Variants in THRAP3 observed in about 807,000 individuals in gnomAD.
THRAP3 encodes the protein thyroid hormone receptor associated protein 3, also known as thyroid hormone receptor-associated protein 3.
In THRAP3, 16 loss-of-function variants were observed where a neutral mutation model predicts 101.0. The observed-to-expected ratio is 0.16, with a 90% CI of 0.11 to 0.24. The LOEUF (loss-of-function observed/expected upper bound fraction) is 0.24, where lower values mean the gene tolerates loss of function less well. THRAP3 is among the 10% of genes least tolerant of loss of function. THRAP3 has a pLI of 1.00. For synonymous variants in THRAP3, 407 were observed against 422.6 expected, an observed-to-expected ratio of 0.96 and a Z score of 0.45; for missense variants, 989 against 1,202.7, an observed-to-expected ratio of 0.82 and a Z score of 2.63.
intron 2 of THRAP3, among the ~76,000 whole-genome samples, chr1:36,263,928 A>G (rs1172086401): frequency 2.0e-5 from 3 of 152,238 alleles, no homozygotes; most frequent in Non-Finnish European, 2.9e-5. Flanking sequence ...GTCTTTCTTG[A>G]TAATACGACC....
upstream of THRAP3, among the ~76,000 whole-genome samples, chr1:36,220,970 AAAATAT>A (rs1352813000): frequency 2.1e-4 from 27 of 128,426 alleles, no homozygotes; most frequent in African/African-American, 8.9e-4. Flanking sequence ...AAAAAAAAAA[AAAATAT>A]ATATATATAT....
chr1:36,285,460 TAC>T lies in THRAP3; in HGVS notation c.138-906_138-905del, dbSNP rs201852187. Reference sequence around the variant, plus strand: ...TTGACAAGCCTGACACTCAGGAATGTACAGTTAGGTTACTATCAAGTCTCTGT... The same window carrying T: ...TTGACAAGCCTGACACTCAGGAATGTAGTTAGGTTACTATCAAGTCTCTGT... On this transcript the variant is annotated intron_variant, in intron 3 of 11. Coordinates refer to ENST00000354618, the MANE Select transcript of THRAP3 (RefSeq NM_005119.4). Among the ~76,000 whole-genome samples, 1,183 of 152,306 alleles carry T rather than the reference TAC, an allele frequency of 7.8e-3. 10 individuals are homozygous for T. The highest frequency in any genetic ancestry group is 0.027 in the African/African-American group (1,129 of 41,554).
At chr1:36,253,987 A>G (rs1446320991) in intron 1 of THRAP3, among the ~76,000 whole-genome samples, 1 of 152,088 alleles carries the variant, frequency 6.6e-6, no homozygotes, top group East Asian at 1.9e-4. Flanking sequence ...GGTATCCGCA[A>G]CAGTAATAGT....
In THRAP3 at chr1:36,296,585, T is replaced by C; in HGVS notation, c.2118T>C (p.Ala706=). The change falls in exon 9 of 12, where the codon GCT becomes GCC. Residue 706 remains alanine, a splice_region_variant and synonymous_variant. Transcript: ENST00000354618. ...MKSPREPGYK[A]EGKYKDDPVD... ...AATTTTGGCTTATCTTTTGATAGGC[T>C]GAGGGAAAATACAAAGATGATCCTG... 2 of 1,547,916 alleles carry C rather than the reference T, an allele frequency of 1.3e-6. No homozygotes were observed. The highest frequency in any genetic ancestry group is 8.7e-7 in the Non-Finnish European group (1 of 1,153,464).
chr1:36,240,809 T>C (rs1229897342), intron 1 of THRAP3, among the ~76,000 whole-genome samples: 1 of 152,244 alleles, frequency 6.6e-6, no homozygotes, highest in Non-Finnish European at 1.5e-5. Flanking sequence ...TAACATAATT[T>C]GTGATAATAT....
chr1:36,229,796 G>C lies in THRAP3; in HGVS notation c.-135+5291G>C, dbSNP rs552598258. Among the ~76,000 whole-genome samples the C allele has an allele frequency of 6.6e-5, 10 of 151,946 alleles. No homozygotes were observed. The East Asian group carries it at 7.8e-4, about 12-fold the overall frequency. On this transcript the variant is annotated intron_variant, in intron 1 of 11. Transcript: ENST00000354618. ...GCCTCCCGAGAAGCTGGGATTACAG[G>C]CATGTACCACCATGCCCAGCTAATT...
Position 36,286,073 on chromosome 1 carries a change from A to C in THRAP3, c.138-295A>C, listed in dbSNP as rs1385599074. On this transcript the variant is annotated intron_variant, in intron 3 of 11. Transcript: ENST00000354618. This position sits in a 1 kb window ranked among gnomAD's most constrained non-coding sequence, Gnocchi z 5.5. Reference sequence around the variant, plus strand: ...TAAAATGGTCTTTGTGTGGTTTACTACCTTAAGAAAATGTTGATAGTTTTT... The same window carrying C: ...TAAAATGGTCTTTGTGTGGTTTACTCCCTTAAGAAAATGTTGATAGTTTTT... Among the ~76,000 whole-genome samples, 1 of 152,202 alleles carries C rather than the reference A, an allele frequency of 6.6e-6. No homozygotes were observed. The highest frequency in any genetic ancestry group is 6.5e-5 in the Admixed American group (1 of 15,286).
upstream of THRAP3, among the ~76,000 whole-genome samples, chr1:36,222,563 C>T (rs74754798): frequency 1.3e-3 from 200 of 152,158 alleles, no homozygotes; most frequent in African/African-American, 2.9e-3. Context: ...CCCACCACCA[C>T]GCCCGGCTAA....
rs1645747887 is a variant in THRAP3, at chr1:36,282,650, G to A, written c.87G>A (p.Lys29=). 6.2e-7 allele frequency: 1 copy of A among 1,614,036 alleles called. No homozygotes were observed. Among genetic ancestry groups the A allele is most frequent in the Non-Finnish European group, 8.5e-7 (1 of 1,180,032 alleles). Residue 29 remains lysine, a synonymous_variant, in exon 3 of 12, where the codon AAG becomes AAA. Transcript: ENST00000354618. ...GATCTCGTTCTCGTTCATTTTCGAA[G>A]TCTCGGTCCCGAAGCCGATCTCTCT... ...ASRSRSRSFS[K]SRSRSRSLSR...
At chr1:36,240,072 CAG>C (rs967514089) in intron 1 of THRAP3, among the ~76,000 whole-genome samples, 10 of 152,208 alleles carry the variant, frequency 6.6e-5, no homozygotes, top group Admixed American at 5.9e-4. Flanking sequence ...CAGCTTGTAA[CAG>C]AAATTCATCA....
chr1:36,227,688 AC>A (rs1644977330), intron 1 of THRAP3, among the ~76,000 whole-genome samples: 1 of 152,126 alleles, frequency 6.6e-6, no homozygotes, highest in Non-Finnish European at 1.5e-5. Flanking sequence ...TAGTTAAGAG[AC>A]CGAAGATGGT....
intron 1 of THRAP3, among the ~76,000 whole-genome samples, chr1:36,254,789 A>G (rs1444589587): frequency 6.6e-6 from 1 of 152,094 alleles, no homozygotes; most frequent in East Asian, 1.9e-4. Context: ...TTTTTTGATA[A>G]AAAAAAATTT....
At chr1:36,240,478 G>C (rs536906718) in intron 1 of THRAP3, among the ~76,000 whole-genome samples, 14 of 152,334 alleles carry the variant, frequency 9.2e-5, no homozygotes, top group African/African-American at 2.6e-4. Flanking sequence ...GTTTAGCTGT[G>C]CTTAAAGCTG....
intron 2 of THRAP3, among the ~76,000 whole-genome samples, chr1:36,262,056 A>G (rs1417615969): frequency 6.6e-6 from 1 of 152,232 alleles, no homozygotes; most frequent in Non-Finnish European, 1.5e-5. Context: ...GCCACATGTC[A>G]TTTAATACAT....
chr1:36,266,747 T>C (rs1167605447), intron 2 of THRAP3, among the ~76,000 whole-genome samples: 1 of 152,192 alleles, frequency 6.6e-6, no homozygotes, highest in African/African-American at 2.4e-5. Flanking sequence ...AAGTGATAAG[T>C]TTAAGTACAG....
chr1:36,214,546 A>T, the THRAP3 span, among the ~76,000 whole-genome samples: 2 of 152,210 alleles, frequency 1.3e-5, no homozygotes, highest in East Asian at 3.9e-4. Flanking sequence ...CTCACACTGT[A>T]CCATAGTAAT....
intron 1 of THRAP3, among the ~76,000 whole-genome samples, chr1:36,241,229 T>TA: frequency 6.8e-6 from 1 of 147,784 alleles, no homozygotes; most frequent in African/African-American, 2.5e-5. Flanking sequence ...TTTTCAGAAA[T>TA]ACGTGCCGCT....
intron 2 of THRAP3, among the ~76,000 whole-genome samples, chr1:36,282,244 T>C (rs1645741976): frequency 6.6e-6 from 1 of 151,830 alleles, no homozygotes; most frequent in Non-Finnish European, 1.5e-5. Context: ...TCTTTTTTTT[T>C]TTTTTGGAGA....
chr1:36,304,021 C>A lies in THRAP3; in HGVS notation c.*4C>A, dbSNP rs1296707975. 16 of 1,518,984 alleles carry A rather than the reference C, an allele frequency of 1.1e-5. No homozygotes were observed. Among genetic ancestry groups the A allele is most frequent in the Non-Finnish European group, 1.4e-5 (16 of 1,132,630 alleles). 94.1% of individuals were successfully genotyped at this position (1,518,984 alleles called of 1,614,324 possible). ...TATACAGCCCACAACCGAGTAGGGGCCACCCTTGACGGGATTCCTGCCCAG... is the reference window on the plus strand; with the variant it reads ...TATACAGCCCACAACCGAGTAGGGGACACCCTTGACGGGATTCCTGCCCAG... On this transcript the variant is annotated 3_prime_UTR_variant, in exon 12 of 12. Coordinates refer to ENST00000354618, the MANE Select transcript of THRAP3 (RefSeq NM_005119.4).
Sources: allele counts gnomAD v4.1 joint callset (sites outside exome capture counted in the v4.1 genomes callset), GRCh38; gene constraint gnomAD v4.1.1; non-coding constraint Gnocchi (gnomAD v3.1); transcripts MANE v1.5; gene names NCBI Gene and HGNC (gene_info 2026-07-23, HGNC 2026-07-21).